Variants in SMARCA2 observed in about 807,000 individuals in gnomAD.
The protein encoded by SMARCA2 is SWI/SNF-related matrix-associated actin-dependent regulator of chromatin subfamily A member 2.
SMARCA2 carries 61 observed loss-of-function variants against 199.8 expected under a neutral mutation model. That is an observed-to-expected ratio of 0.31 (90% CI 0.25 to 0.38). The LOEUF is 0.38. Among genes scored for constraint, SMARCA2 ranks in the 10% least tolerant of loss-of-function variants. The pLI is 1.00. For missense variants in SMARCA2, 1,344 were observed against 2,012.2 expected (o/e 0.67, Z 6.35); for synonymous variants, 935 against 732.0 (o/e 1.28, Z -4.48).
At chr9:2,053,706 A>C (rs1023834671) in intron 5 of SMARCA2, among the ~76,000 whole-genome samples, 1 of 152,154 alleles carries the variant, frequency 6.6e-6, no homozygotes. Flanking sequence ...GATTTAGGGG[A>C]TGTAGTTCTA....
At chr9:2,180,768 G>A (rs1345494619) in intron 29 of SMARCA2, among the ~76,000 whole-genome samples, 2 of 152,144 alleles carry the variant, frequency 1.3e-5, no homozygotes, top group Non-Finnish European at 2.9e-5. Flanking sequence ...ATGCTTTGTA[G>A]CCTGTGTTTG....
intron 27 of SMARCA2, among the ~76,000 whole-genome samples, chr9:2,126,917 G>A (rs1442829406): frequency 6.6e-6 from 1 of 152,176 alleles, no homozygotes; most frequent in African/African-American, 2.4e-5. Flanking sequence ...TTCTTTCCTT[G>A]TAGCTTCTCC....
rs1455924292 is a variant in SMARCA2, at chr9:2,110,947, T to G, written c.3456+530T>G. On this transcript the variant is annotated intron_variant, in intron 24 of 33. Transcript: ENST00000349721. This position sits in a 1 kb window ranked among gnomAD's most constrained non-coding sequence, Gnocchi z 4.8. Reference sequence around the variant, plus strand: ...CTTTTATTTTGTGTTTTATTTAAAGTCATCATCAAAACATATTCTAATGAG... The same window carrying G: ...CTTTTATTTTGTGTTTTATTTAAAGGCATCATCAAAACATATTCTAATGAG... Among the ~76,000 whole-genome samples the G allele has an allele frequency of 6.6e-6, 1 of 152,192 alleles. No individual in the cohort carries two copies. The highest frequency in any genetic ancestry group is 1.5e-5 in the Non-Finnish European group (1 of 68,038).
intron 19 of SMARCA2, among the ~76,000 whole-genome samples, chr9:2,094,624 T>G (rs1230147208): frequency 6.6e-6 from 1 of 152,206 alleles, no homozygotes; most frequent in Non-Finnish European, 1.5e-5. Context: ...AAAGAGTGGA[T>G]TCTATTTCAA....
chr9:2,133,791 C>A (rs1229799710), intron 27 of SMARCA2, among the ~76,000 whole-genome samples: 4 of 152,028 alleles, frequency 2.6e-5, no homozygotes, highest in Non-Finnish European at 4.4e-5. Context: ...ATCATTATGC[C>A]TCAGGGTTCG....
chr9:2,133,380 C>G (rs538254582), intron 27 of SMARCA2, among the ~76,000 whole-genome samples: 2 of 152,222 alleles, frequency 1.3e-5, no homozygotes, highest in South Asian at 2.1e-4. Context: ...CTCCTCGGCT[C>G]AAGCAGTCTT....
At chr9:2,188,853 A>G (rs1311306850) in intron 32 of SMARCA2, among the ~76,000 whole-genome samples, 1 of 152,220 alleles carries the variant, frequency 6.6e-6, no homozygotes, top group African/African-American at 2.4e-5. Flanking sequence ...TTGTGTTCGT[A>G]GAAACAAAGT....
intron 7 of SMARCA2, among the ~76,000 whole-genome samples, chr9:2,057,990 A>AT: frequency 6.6e-6 from 1 of 152,308 alleles, no homozygotes; most frequent in East Asian, 1.9e-4. Flanking sequence ...TATCATTGCC[A>AT]TTTTGTAGGT....
rs1410667744 is a variant in SMARCA2, at chr9:2,060,902, T to C, written c.1608T>C (p.Tyr536=). 2 of 1,614,110 alleles carry C rather than the reference T, an allele frequency of 1.2e-6. No homozygotes were observed. The highest frequency in any genetic ancestry group is 2.2e-5 in the East Asian group (1 of 44,884). The change falls in exon 9 of 34, where the codon TAT becomes TAC. Residue 536 remains tyrosine, a synonymous_variant. Transcript: ENST00000349721. ...LAYLLQQTDE[Y]VANLTNLVWE... is the part of the protein sequence containing the mutation. The stretch of plus-strand genomic sequence containing the variant: ...ACCTTTTGCAGCAGACCGATGAGTA[T>C]GTAGCCAATCTGACCAATCTGGTTT...
In SMARCA2 at chr9:2,127,209, T is replaced by C. The variant is rs79750606; in HGVS notation, c.3981+3272T>C. Among the ~76,000 whole-genome samples the C allele has an allele frequency of 7.4e-3, 1,125 of 152,352 alleles. 15 individuals carry two copies. Among genetic ancestry groups the C allele is most frequent in the African/African-American group, 0.026 (1,066 of 41,580 alleles). ...CACAGTTTCCTAGTATTCTCGGTAG[T>C]TGCCAACCTGCCTGCTTTCCTGACT... On this transcript the variant is annotated intron_variant, in intron 27 of 33. Transcript: ENST00000349721.
chr9:2,090,750 C>T (rs530558537), intron 19 of SMARCA2, among the ~76,000 whole-genome samples: 3 of 152,230 alleles, frequency 2.0e-5, no homozygotes, highest in African/African-American at 7.2e-5. Context: ...CCGGTAGCCC[C>T]CCCACATCTC....
In SMARCA2 at chr9:2,161,372, C is replaced by G. The variant is rs1383193260; in HGVS notation, c.3982-314C>G. ...TTCTTAAACTGAGCTAAAATTTCAT[C>G]TGGATTCAGTTATCATCAAACACTT... is the stretch of plus-strand genomic sequence containing the variant. On this transcript the variant is annotated intron_variant, in intron 27 of 33. Coordinates refer to ENST00000349721, the MANE Select transcript of SMARCA2 (RefSeq NM_003070.5). The surrounding 1 kb of genome is among the most constrained non-coding windows in gnomAD (Gnocchi z 4.7). Among the ~76,000 whole-genome samples the G allele has an allele frequency of 6.6e-6, 1 of 151,912 alleles. No homozygotes were observed. The highest frequency in any genetic ancestry group is 2.4e-5 in the African/African-American group (1 of 41,364).
At chr9:2,083,060 T>C (rs1440207863) in intron 15 of SMARCA2, among the ~76,000 whole-genome samples, 1 of 152,196 alleles carries the variant, frequency 6.6e-6, no homozygotes, top group Non-Finnish European at 1.5e-5. Flanking sequence ...CAATTGCTCT[T>C]TTTTAATATC....
At chr9:2,114,827 T>A (rs940083368) in intron 24 of SMARCA2, among the ~76,000 whole-genome samples, 2 of 152,200 alleles carry the variant, frequency 1.3e-5, no homozygotes, top group Non-Finnish European at 2.9e-5. Flanking sequence ...ACCTGGAGAT[T>A]TACGTTGTTG....
intron 8 of SMARCA2, among the ~76,000 whole-genome samples, chr9:2,058,932 A>G (rs1820469014): frequency 6.6e-6 from 1 of 152,146 alleles, no homozygotes; most frequent in Non-Finnish European, 1.5e-5. Context: ...AATGGCAGAA[A>G]TTATTCTCTA....
intron 30 of SMARCA2, 38 bp downstream of exon 30, chr9:2,181,714 ATAAAGGAGCAGT>A (rs1186294112): frequency 9.5e-7 from 1 of 1,053,052 alleles, no homozygotes. Context: ...CTTCAAGTAA[ATAAAGGAGCAGT>A]GTAAAGTCAT....
At chr9:2,093,650 A>G (rs1372457411) in intron 19 of SMARCA2, among the ~76,000 whole-genome samples, 4 of 152,226 alleles carry the variant, frequency 2.6e-5, no homozygotes, top group Non-Finnish European at 4.4e-5. Flanking sequence ...AGGATTCTGC[A>G]AAGGAGTGCA....
intron 13 of SMARCA2, 45 bp from the exon 14 acceptor site, chr9:2,077,584 G>A (rs758283311): frequency 5.1e-6 from 8 of 1,576,278 alleles, no homozygotes; most frequent in East Asian, 4.5e-5. Flanking sequence ...AACAACACAT[G>A]CACGCACATG....
At chr9:2,062,491 T>C (rs1187618447) in intron 9 of SMARCA2, among the ~76,000 whole-genome samples, 1 of 152,224 alleles carries the variant, frequency 6.6e-6, no homozygotes, top group Admixed American at 6.5e-5. Context: ...TGCATCGTCG[T>C]AGGCAGAGAA....
Sources: allele counts gnomAD v4.1 joint callset (sites outside exome capture counted in the v4.1 genomes callset), GRCh38; gene constraint gnomAD v4.1.1; non-coding constraint Gnocchi (gnomAD v3.1); transcripts MANE v1.5; gene names NCBI Gene and HGNC (gene_info 2026-07-23, HGNC 2026-07-21).